Variants in KIAA1958 observed in about 807,000 individuals in gnomAD.
The protein encoded by KIAA1958 is KIAA1958.
A neutral mutation model predicts 47.2 loss-of-function variants in KIAA1958; 14 were observed. That is an observed-to-expected ratio of 0.30 (90% CI 0.20 to 0.46). The LOEUF is 0.46. Ranked by LOEUF, KIAA1958 falls within the 20% of genes least tolerant of loss-of-function variation. The pLI is 1.00. For missense variants in KIAA1958, 803 were observed against 909.2 expected, an observed-to-expected ratio of 0.88 and a Z score of 1.50; for synonymous variants, 354 against 353.3, an observed-to-expected ratio of 1.00 and a Z score of -0.02.
chr9:112,500,872 G>A (rs953296036), intron 1 of KIAA1958, among the ~76,000 whole-genome samples: 1 of 151,892 alleles, frequency 6.6e-6, no homozygotes, highest in Non-Finnish European at 1.5e-5. Context: ...ATTTTGGAAG[G>A]CTGAGGCAGG....
At chr9:112,493,550 T>C (rs558969324) in intron 1 of KIAA1958, among the ~76,000 whole-genome samples, 1 of 152,374 alleles carries the variant, frequency 6.6e-6, no homozygotes, top group South Asian at 2.1e-4. Flanking sequence ...CCAAGATTTC[T>C]CAATTCTGTC....
Position 112,665,955 on chromosome 9 carries a change from C to T in KIAA1958, c.*5886C>T, listed in dbSNP as rs1837346634. 6.6e-6 allele frequency: 1 copy of T among 151,876 alleles called. No individual in the cohort carries two copies. The allele number at this position is 151,876 out of a possible 1,614,324, so 9.4% of individuals were successfully genotyped here. A position where few individuals can be genotyped will look rare whatever the true frequency, so the allele number is the denominator to read the frequency against. On this transcript the variant is annotated 3_prime_UTR_variant, in exon 4 of 4. Coordinates refer to ENST00000337530, the MANE Select transcript of KIAA1958 (RefSeq NM_133465.4). ...ATTTTGGTCAGAGGATTTTTATAAT[C>T]TGTAGGCTATAGCACTGTCATAGAA... is the stretch of plus-strand genomic sequence containing the variant.
intron 1 of KIAA1958, among the ~76,000 whole-genome samples, chr9:112,532,655 T>C (rs545951649): frequency 6.6e-6 from 1 of 152,340 alleles, no homozygotes; most frequent in Non-Finnish European, 1.5e-5. Flanking sequence ...CATCAAAAAC[T>C]GGGCCAGCAT....
chr9:112,581,930 G>A (rs557151131), intron 2 of KIAA1958: 3 of 235,808 alleles, frequency 1.3e-5, no homozygotes, highest in East Asian at 1.1e-4. Flanking sequence ...AGTCCTGGGG[G>A]ATGCATTCAG....
At chr9:112,531,410 T>C (rs570918651) in intron 1 of KIAA1958, among the ~76,000 whole-genome samples, 1 of 151,804 alleles carries the variant, frequency 6.6e-6, no homozygotes, top group Admixed American at 6.6e-5. Flanking sequence ...AATAAATAAA[T>C]AAAAGGAAAC....
At chr9:112,582,401 T>G (rs986605207) in intron 2 of KIAA1958, 1 of 152,368 alleles carries the variant, frequency 6.6e-6, no homozygotes, top group Non-Finnish European at 1.5e-5. Context: ...ATTAAAAAAA[T>G]TTTTAAAGAA....
chr9:112,614,078 T>C (rs1467440004), intron 2 of KIAA1958, among the ~76,000 whole-genome samples: 1 of 152,198 alleles, frequency 6.6e-6, no homozygotes, highest in Admixed American at 6.5e-5. Flanking sequence ...TGTGCAGCAA[T>C]GAGGATAAAT....
intron 1 of KIAA1958, among the ~76,000 whole-genome samples, chr9:112,516,940 A>G (rs1482518354): frequency 1.3e-5 from 2 of 152,246 alleles, no homozygotes; most frequent in Non-Finnish European, 2.9e-5. Context: ...GTATGGAAAC[A>G]GTTGATTGGT....
Position 112,618,728 on chromosome 9 carries a change from A to G in KIAA1958, c.1172-26922A>G. On this transcript the variant is annotated intron_variant, in intron 2 of 3. Coordinates refer to ENST00000337530, the MANE Select transcript of KIAA1958 (RefSeq NM_133465.4). The surrounding 1 kb of genome is among the most constrained non-coding windows in gnomAD (Gnocchi z 7.1). Reference sequence around the variant, plus strand: ...GAAGACCATGTGTGAGAAGGGCAACATCCCTGGCAGGAAAACCAACTTCAG... The same window carrying G: ...GAAGACCATGTGTGAGAAGGGCAACGTCCCTGGCAGGAAAACCAACTTCAG... The G allele has an allele frequency of 6.4e-7, 1 of 1,550,710 alleles. No individual in the cohort carries two copies. The highest frequency in any genetic ancestry group is 8.7e-7 in the Non-Finnish European group (1 of 1,147,016).
At chr9:112,528,115 A>G (rs1834691851) in intron 1 of KIAA1958, among the ~76,000 whole-genome samples, 1 of 152,168 alleles carries the variant, frequency 6.6e-6, no homozygotes, top group South Asian at 2.1e-4. Context: ...ATACTTGATC[A>G]TTCTGCCTAA....
chr9:112,645,752 G>A lies in KIAA1958; in HGVS notation c.1274G>A (p.Arg425Gln), dbSNP rs377411564. 2.0e-5 allele frequency: 32 copies of A among 1,613,946 alleles called. No individual in the cohort carries two copies. The highest frequency in any genetic ancestry group is 3.3e-5 in the Admixed American group (2 of 60,000). Residue 425 changes from arginine (R) to glutamine (Q), a missense_variant, in exon 3 of 4, where the codon CGG becomes CAG. Around this residue, in one of 2 missense-constraint regions of KIAA1958, gnomAD observed 761 missense variants for 829.3 expected, o/e 0.92. Coordinates refer to ENST00000337530, the MANE Select transcript of KIAA1958 (RefSeq NM_133465.4). ...AGCCCAAATACTACCAAAGCCACGC[G>A]GTACGCCTTGAATGTGTGGCGTTAT... ...AVSPNTTKAT[R>Q]YALNVWRYWC...
At chr9:112,648,567 A>G (rs947536025) in intron 3 of KIAA1958, among the ~76,000 whole-genome samples, 1 of 152,212 alleles carries the variant, frequency 6.6e-6, no homozygotes, top group African/African-American at 2.4e-5. Context: ...CCACCAGCCA[A>G]ACTGGAAAAA....
rs139382972 is a variant in KIAA1958 at position 112,590,554 on chromosome 9, G to A, written c.1171+15303G>A. Among the ~76,000 whole-genome samples, 39 of 152,180 alleles carry A rather than the reference G, an allele frequency of 2.6e-4. No individual in the cohort carries two copies. The East Asian group carries it at 7.4e-3, about 29-fold the overall frequency. ...TTTAGTAGAGACAGGGTTTCACTGT[G>A]TTCGCCAGACTGGTCTTAAACTCCT... On this transcript the variant is annotated intron_variant, in intron 2 of 3. Coordinates refer to ENST00000337530, the MANE Select transcript of KIAA1958 (RefSeq NM_133465.4).
chr9:112,623,813 G>T (rs1836552060), intron 2 of KIAA1958, among the ~76,000 whole-genome samples: 1 of 152,176 alleles, frequency 6.6e-6, no homozygotes, highest in South Asian at 2.1e-4. Context: ...TAGGCAGAGG[G>T]ACTGCCTATA....
intron 2 of KIAA1958, among the ~76,000 whole-genome samples, chr9:112,610,487 T>C (rs1021234902): frequency 2.0e-4 from 30 of 151,988 alleles, no homozygotes; most frequent in Admixed American, 4.6e-4. Context: ...AGCATAGATA[T>C]AGAAGACAAT....
rs531444646 is a variant in KIAA1958, at chr9:112,634,634, A to C, written c.1172-11016A>C. ...ACATGGGCAGGTTTGTTACGTAGGTAAACTTGTGTCATGGGGGTTTGTCCT... is the reference window on the plus strand; with the variant it reads ...ACATGGGCAGGTTTGTTACGTAGGTCAACTTGTGTCATGGGGGTTTGTCCT... On this transcript the variant is annotated intron_variant, in intron 2 of 3. Coordinates refer to ENST00000337530, the MANE Select transcript of KIAA1958 (RefSeq NM_133465.4). 2.8e-4 allele frequency among the ~76,000 whole-genome samples: 42 copies of C among 152,330 alleles called. No individual in the cohort carries two copies. The South Asian group carries it at 7.0e-3, about 26-fold the overall frequency.
chr9:112,489,817 C>G (rs1375566297), intron 1 of KIAA1958, among the ~76,000 whole-genome samples: 1 of 152,182 alleles, frequency 6.6e-6, no homozygotes. Flanking sequence ...ATGGACTTTT[C>G]TAGCATTTTC....
chr9:112,624,149 G>A (rs971865488), intron 2 of KIAA1958, among the ~76,000 whole-genome samples: 7 of 152,138 alleles, frequency 4.6e-5, no homozygotes, highest in Non-Finnish European at 7.4e-5. Context: ...CTTTTAAAGC[G>A]TTCATTAAAA....
rs893352438 is a variant in KIAA1958, at chr9:112,590,350, CT to C, written c.1171+15117del. 5.9e-3 allele frequency among the ~76,000 whole-genome samples: 789 copies of C among 134,276 alleles called. 4 individuals carry two copies. The highest frequency in any genetic ancestry group is 0.017 in the African/African-American group (606 of 36,084). The allele number at this position is 134,276 out of a possible 152,430, so 88.1% of individuals were successfully genotyped here. ...GACCCATCAAGCTCCAGACACCCTT[CT>C]TTTTTTTTTTTTTTTTTGAGACGGA... On this transcript the variant is annotated intron_variant, in intron 2 of 3. Transcript: ENST00000337530.
Sources: gnomAD v4.1 joint callset for allele counts (sites outside exome capture counted in the v4.1 genomes callset) on GRCh38, gnomAD v4.1.1 for gene constraint, gnomAD v4.1.1 regional missense constraint, Gnocchi (gnomAD v3.1) non-coding constraint, MANE v1.5 for transcripts, NCBI Gene and HGNC (gene_info 2026-07-23, HGNC 2026-07-21) for gene names.